The following KIRREL1 variants were observed in gnomAD, a reference collection of about 807,000 sequenced individuals.
The protein encoded by KIRREL1 is kin of IRRE-like protein 1.
A neutral mutation model predicts 83.3 loss-of-function variants in KIRREL1; 25 were observed. That is an observed-to-expected ratio of 0.30 (90% CI 0.22 to 0.42). KIRREL1 has a LOEUF of 0.42. KIRREL1 is among the 10% of genes least tolerant of loss of function. The probability of loss-of-function intolerance (pLI) is 1.00; values close to 1 mark genes in which losing one functional copy is unlikely to be tolerated. For missense variants in KIRREL1, 812 were observed against 1,032.3 expected (o/e 0.79, Z 2.92); for synonymous variants, 388 against 410.4 (o/e 0.95, Z 0.66).
intron 1 of KIRREL1, among the ~76,000 whole-genome samples, chr1:158,025,004 A>G (rs1025655987): frequency 6.6e-6 from 1 of 152,112 alleles, no homozygotes; most frequent in Non-Finnish European, 1.5e-5. Context: ...TCCCCGAGGG[A>G]CCCATGGACA....
chr1:158,082,605 A>C (rs1406862594), intron 3 of KIRREL1, among the ~76,000 whole-genome samples: 1 of 151,562 alleles, frequency 6.6e-6, no homozygotes, highest in Non-Finnish European at 1.5e-5. Context: ...CCCTCTGCAC[A>C]CTCCTCTCGA....
At chr1:158,011,448 G>A (rs1401412180) in intron 1 of KIRREL1, among the ~76,000 whole-genome samples, 2 of 152,204 alleles carry the variant, frequency 1.3e-5, no homozygotes, top group South Asian at 2.1e-4. Flanking sequence ...AGAAGGAACC[G>A]GAAGCTGGGA....
rs758399952 is a variant in KIRREL1 at position 158,094,310 on chromosome 1, C to T, written c.1720-3C>T. Reference sequence around the variant, plus strand: ...CTGACGTCCCACTCCTGCTGCTCCACAGTCGTTTAAGGATGATGTGGATCT... The same window carrying T: ...CTGACGTCCCACTCCTGCTGCTCCATAGTCGTTTAAGGATGATGTGGATCT... On this transcript the variant is annotated splice_region_variant and splice_polypyrimidine_tract_variant and intron_variant, in intron 13 of 14. Transcript: ENST00000359209. The surrounding 1 kb of genome is among the most constrained non-coding windows in gnomAD (Gnocchi z 4.6). 1.9e-6 allele frequency: 3 copies of T among 1,602,464 alleles called. No individual in the cohort carries two copies. Among genetic ancestry groups the T allele is most frequent in the Non-Finnish European group, 2.6e-6 (3 of 1,175,512 alleles).
chr1:158,087,915 G>T (rs995650786), intron 6 of KIRREL1, 55 bp downstream of exon 6: 2 of 1,607,266 alleles, frequency 1.2e-6, no homozygotes, highest in African/African-American at 1.3e-5. Flanking sequence ...AGAGTTCGGG[G>T]TTAGAGGCTG....
At chr1:158,079,830 C>A (rs974532430) in intron 3 of KIRREL1, among the ~76,000 whole-genome samples, 4 of 152,318 alleles carry the variant, frequency 2.6e-5, no homozygotes, top group Middle Eastern at 3.4e-3. Context: ...CTTTTCTTAG[C>A]AACTGCTGCT....
At chr1:157,997,037 C>A (rs1659225473) in intron 1 of KIRREL1, among the ~76,000 whole-genome samples, 1 of 152,240 alleles carries the variant, frequency 6.6e-6, no homozygotes, top group South Asian at 2.1e-4. Context: ...CCTCTTTACA[C>A]CCTTACAAGG....
At chr1:158,021,121 C>T (rs1339605128) in intron 1 of KIRREL1, among the ~76,000 whole-genome samples, 3 of 152,056 alleles carry the variant, frequency 2.0e-5, no homozygotes, top group African/African-American at 7.2e-5. Context: ...GGAAGTATCT[C>T]GACCAAAACC....
In KIRREL1 at chr1:158,068,420, C is replaced by T. The variant is rs146402851; in HGVS notation, c.53-7693C>T. Among the ~76,000 whole-genome samples, 433 of 152,292 alleles carry T rather than the reference C, an allele frequency of 2.8e-3. 1 individual carries two copies. Among genetic ancestry groups the T allele is most frequent in the African/African-American group, 1.0e-2 (414 of 41,568 alleles). ...TAAGGGTCTCTAAAGTCAGTCACATCAAAATTTGACATTTTAGGATTCTAG... is the reference window on the plus strand; with the variant it reads ...TAAGGGTCTCTAAAGTCAGTCACATTAAAATTTGACATTTTAGGATTCTAG... On this transcript the variant is annotated intron_variant, in intron 1 of 14. Transcript: ENST00000359209.
intron 1 of KIRREL1, among the ~76,000 whole-genome samples, chr1:158,038,215 G>A (rs780074767): frequency 7.2e-5 from 11 of 152,208 alleles, no homozygotes; most frequent in South Asian, 4.1e-4. Flanking sequence ...GCATTCATCC[G>A]TTTAGTTCTC....
At chr1:158,042,319 T>C (rs935054978) in intron 1 of KIRREL1, among the ~76,000 whole-genome samples, 5 of 151,894 alleles carry the variant, frequency 3.3e-5, no homozygotes, top group Admixed American at 6.6e-5. Context: ...CCGGCCTAGA[T>C]GCTCCCGGCA....
chr1:158,075,992 A>T, intron 1 of KIRREL1, 121 bp from the exon 2 acceptor site: 1 of 861,474 alleles, frequency 1.2e-6, no homozygotes, highest in Non-Finnish European at 1.8e-6. Flanking sequence ...GGGGGCAGGG[A>T]CCGGAGAGTC....
At chr1:158,032,476 G>T (rs565140603) in intron 1 of KIRREL1, among the ~76,000 whole-genome samples, 3 of 152,342 alleles carry the variant, frequency 2.0e-5, no homozygotes, top group African/African-American at 7.2e-5. Context: ...AAATAAATGG[G>T]CTGTAAGGGA....
intron 1 of KIRREL1, among the ~76,000 whole-genome samples, chr1:158,056,327 C>T (rs1661056267): frequency 6.6e-6 from 1 of 152,196 alleles, no homozygotes; most frequent in Non-Finnish European, 1.5e-5. Context: ...TGTCTGTCTC[C>T]CAAGGACTTG....
At chr1:158,078,274 GC>G in intron 3 of KIRREL1, 134 bp downstream of exon 3, 1 of 1,015,816 alleles carries the variant, frequency 9.8e-7, no homozygotes, top group Non-Finnish European at 1.5e-6. Context: ...CTGCCCTAAT[GC>G]TCAAGTCCAG....
At chr1:158,024,596 AC>A (rs1465285295) in intron 1 of KIRREL1, among the ~76,000 whole-genome samples, 2 of 152,142 alleles carry the variant, frequency 1.3e-5, no homozygotes, top group Non-Finnish European at 2.9e-5. Flanking sequence ...AGGGTTTTGA[AC>A]AGGTATTGTT....
intron 3 of KIRREL1, among the ~76,000 whole-genome samples, chr1:158,079,675 C>T (rs1206136620): frequency 6.6e-6 from 1 of 152,166 alleles, no homozygotes; most frequent in East Asian, 1.9e-4. Context: ...AACAAGTCCT[C>T]AGAGCATAGT....
At chr1:158,034,325 C>T (rs1364963878) in intron 1 of KIRREL1, among the ~76,000 whole-genome samples, 4 of 151,402 alleles carry the variant, frequency 2.6e-5, no homozygotes, top group East Asian at 1.9e-4. Context: ...TCCTTCTCCT[C>T]TTTGATTTTA....
intron 1 of KIRREL1, among the ~76,000 whole-genome samples, chr1:158,055,867 G>A (rs1661044150): frequency 6.6e-6 from 1 of 152,192 alleles, no homozygotes; most frequent in African/African-American, 2.4e-5. Context: ...CAGGAGTCCA[G>A]CACCCTCCAG....
intron 1 of KIRREL1, among the ~76,000 whole-genome samples, chr1:158,046,759 G>A (rs932715923): frequency 1.3e-5 from 2 of 152,164 alleles, no homozygotes; most frequent in Admixed American, 6.5e-5. Context: ...GAAGATGAGG[G>A]CCAGTGTTGG....
Sources: gnomAD v4.1 joint callset for allele counts (sites outside exome capture counted in the v4.1 genomes callset) on GRCh38, gnomAD v4.1.1 for gene constraint, Gnocchi (gnomAD v3.1) non-coding constraint, MANE v1.5 for transcripts, NCBI Gene and HGNC (gene_info 2026-07-23, HGNC 2026-07-21) for gene names.